PGAP2: variants seen among roughly 807,000 people sequenced by gnomAD.
PGAP2 encodes the protein acyltransferase PGAP2.
Under a neutral mutation model 33.2 loss-of-function variants are expected in PGAP2, and 21 were observed. The observed-to-expected ratio is 0.63, with a 90% CI of 0.45 to 0.91. PGAP2 has a LOEUF of 0.91. PGAP2 is among the 40% of genes least tolerant of loss of function. The pLI is 0.00. For synonymous variants in PGAP2, 161 were observed against 172.9 expected (o/e 0.93, Z 0.54); for missense variants, 345 against 424.0 (o/e 0.81, Z 1.64).
intron 3 of PGAP2, chr11:3,818,045 T>TA: frequency 1.7e-5 from 3 of 177,840 alleles, no homozygotes; most frequent in South Asian, 6.4e-5. Context: ...AAACCCTGTC[T>TA]CAAAAACAAA....
intron 1 of PGAP2, among the ~76,000 whole-genome samples, chr11:3,799,990 T>A (rs2083226500): frequency 6.6e-6 from 1 of 152,118 alleles, no homozygotes; most frequent in South Asian, 2.1e-4. Context: ...GGTGGTGGGT[T>A]GTAAAGATGG....
At chr11:3,817,266 T>C in intron 2 of PGAP2, 87 bp from the exon 3 acceptor site, 2 of 1,007,674 alleles carry the variant, frequency 2.0e-6, no homozygotes, top group Non-Finnish European at 3.0e-6. Context: ...TTCCTTATAC[T>C]CTGAGGAGCC....
At chr11:3,797,750 G>T, upstream of PGAP2, 3 of 1,435,716 alleles carry the variant, frequency 2.1e-6, no homozygotes, top group South Asian at 1.3e-5. Context: ...CAGGGTAGGA[G>T]CGGTGAGAGG....
chr11:3,806,538 G>A (rs912562541), upstream of PGAP2, among the ~76,000 whole-genome samples: 3 of 152,146 alleles, frequency 2.0e-5, no homozygotes, highest in African/African-American at 4.8e-5. Context: ...GGCCTAGACT[G>A]GGTGAATGAA....
At chr11:3,798,862 C>G (rs1428481273) in intron 1 of PGAP2, among the ~76,000 whole-genome samples, 3 of 151,992 alleles carry the variant, frequency 2.0e-5, no homozygotes, top group Non-Finnish European at 2.9e-5. Context: ...AGGCTGGTCT[C>G]GAACTCCGGA....
At position 3,823,961 on chromosome 11, in the gene PGAP2, G is replaced by A. The variant is rs1337881496; in HGVS notation, c.427G>A (p.Gly143Ser). Residue 143 changes from glycine (G) to serine (S), a missense_variant, in exon 4 of 7, where the codon GGC becomes AGC. By Grantham distance (56) the Gly-to-Ser change is moderately conservative. Around this residue, in one of 2 missense-constraint regions of PGAP2, gnomAD observed 311 missense variants for 353.6 expected, o/e 0.88. Coordinates refer to ENST00000278243, the MANE Select transcript of PGAP2 (RefSeq NM_014489.4). Reference sequence around the variant, plus strand: ...GCGCTACGTGTGGCGTTTCTGCATCGGCCTGCACTCGGCGCCTCGCTTCTT... The same window carrying A: ...GCGCTACGTGTGGCGTTTCTGCATCAGCCTGCACTCGGCGCCTCGCTTCTT... ...PQRYVWRFCI[G>S]LHSAPRFLVA... 5.0e-6 allele frequency: 8 copies of A among 1,610,766 alleles called. No homozygotes were observed. Among genetic ancestry groups the A allele is most frequent in the Admixed American group, 1.7e-5 (1 of 59,998 alleles).
chr11:3,824,340 C>T lies in PGAP2; in HGVS notation c.672C>T (p.Leu224=). The T allele has an allele frequency of 3.7e-6, 6 of 1,614,266 alleles. No homozygotes were observed. The highest frequency in any genetic ancestry group is 5.1e-6 in the Non-Finnish European group (6 of 1,180,034). Residue 224 remains leucine (L), a synonymous_variant, in exon 5 of 7, where the codon CTC becomes CTT. Coordinates refer to ENST00000278243, the MANE Select transcript of PGAP2 (RefSeq NM_014489.4). The part of the protein sequence containing the change: ...SLGHMLLTCI[L]WRLTKKHTVS... ...GGCACATGCTCCTCACCTGCATTCT[C>T]TGGCGGTTGACCAAGAAGCACACAG...
At chr11:3,798,179 G>A in intron 1 of PGAP2, 1 of 1,339,030 alleles carries the variant, frequency 7.5e-7, no homozygotes, top group Non-Finnish European at 9.6e-7. Flanking sequence ...ACCCATGCTC[G>A]CCCCAGCACT....
intron 3 of PGAP2, chr11:3,823,628 C>T (rs1334068431): frequency 5.2e-6 from 8 of 1,537,110 alleles, no homozygotes; most frequent in Admixed American, 2.0e-5. Flanking sequence ...TTCCAGTCTG[C>T]GGGGGAGATG....
chr11:3,816,823 G>A (rs2087138702), intron 2 of PGAP2, among the ~76,000 whole-genome samples: 1 of 152,208 alleles, frequency 6.6e-6, no homozygotes, highest in Admixed American at 6.5e-5. Flanking sequence ...GACAGGGTCA[G>A]TGGGAGGGCT....
chr11:3,824,377 G>A lies in PGAP2; in HGVS notation c.708+1G>A. 3 of 1,614,178 alleles carry A rather than the reference G, an allele frequency of 1.9e-6. No homozygotes were observed. Among genetic ancestry groups the A allele is most frequent in the Non-Finnish European group, 2.5e-6 (3 of 1,179,994 alleles). ...CAAGAAGCACACAGTAAGTCAGGAG[G>A]TACGGTCTATCCCTAGCGGGGGCTC... On this transcript the variant is annotated splice_donor_variant, in intron 5 of 6. Transcript: ENST00000278243. LOFTEE classifies it high-confidence loss of function.
chr11:3,804,736 C>T (rs1440738388), upstream of PGAP2, among the ~76,000 whole-genome samples: 5 of 152,102 alleles, frequency 3.3e-5, no homozygotes, highest in East Asian at 5.8e-4. Context: ...GAGTCTCGCT[C>T]TCTCACCCAG....
upstream of PGAP2, chr11:3,808,065 A>C: frequency 7.0e-7 from 1 of 1,421,750 alleles, no homozygotes; most frequent in Non-Finnish European, 9.2e-7. Flanking sequence ...GATGTGCCTC[A>C]CCGGGTCTCA....
intron 1 of PGAP2, among the ~76,000 whole-genome samples, chr11:3,801,184 C>T (rs1358037317): frequency 2.6e-5 from 4 of 151,918 alleles, no homozygotes; most frequent in Admixed American, 1.3e-4. Flanking sequence ...GGCAAATTTC[C>T]TAATCCCTCT....
rs1350638387 is a variant in PGAP2 at position 3,823,118 on chromosome 11, G to GCTCCGCT, written c.349-764_349-758dup. ...GTGGCACAATCTCGGCTCACTGCAA[G>GCTCCGCT]CTCCGCTTCCCAGGTTCACACAGTT... On this transcript the variant is annotated intron_variant, in intron 3 of 6. Coordinates refer to ENST00000278243, the MANE Select transcript of PGAP2 (RefSeq NM_014489.4). 9 of 537,970 alleles carry GCTCCGCT rather than the reference G, an allele frequency of 1.7e-5. No individual in the cohort carries two copies. In the East Asian group the frequency reaches 2.6e-4, roughly 16 times the overall value. 33.3% of individuals were successfully genotyped at this position (537,970 alleles called of 1,614,324 possible).
chr11:3,800,402 G>A (rs1433983228), intron 1 of PGAP2, among the ~76,000 whole-genome samples: 1 of 152,202 alleles, frequency 6.6e-6, no homozygotes, highest in Non-Finnish European at 1.5e-5. Context: ...TTCAGTGGGG[G>A]ATTAGTAGAG....
chr11:3,810,848 A>G (rs1192952966), intron 1 of PGAP2, among the ~76,000 whole-genome samples: 2 of 152,178 alleles, frequency 1.3e-5, no homozygotes, highest in Non-Finnish European at 2.9e-5. Flanking sequence ...CCGAGGCTCA[A>G]AGGCCTGGGG....
Position 3,813,236 on chromosome 11 carries a change from G to A in PGAP2, c.165+1812G>A, listed in dbSNP as rs1472801784. Among the ~76,000 whole-genome samples the A allele has an allele frequency of 2.0e-5, 3 of 152,242 alleles. No individual in the cohort carries two copies. The East Asian group carries it at 5.8e-4, about 29-fold the overall frequency. ...TTGGGTTTTTTTATTTGTTTTAGAG[G>A]CAGGGTCTCATTTCCGTCACCCAGG... On this transcript the variant is annotated intron_variant, in intron 2 of 6. Transcript: ENST00000278243.
chr11:3,806,105 A>C (rs2084287097), upstream of PGAP2, among the ~76,000 whole-genome samples: 1 of 152,168 alleles, frequency 6.6e-6, no homozygotes, highest in South Asian at 2.1e-4. Context: ...ATTAATCTAA[A>C]TTAGAGCACC....
Sources: allele counts gnomAD v4.1 joint callset (sites outside exome capture counted in the v4.1 genomes callset), GRCh38; gene constraint gnomAD v4.1.1; regional missense constraint gnomAD v4.1.1; transcripts MANE v1.5; gene names NCBI Gene and HGNC (gene_info 2026-07-23, HGNC 2026-07-21).